The following DNER variants were observed in gnomAD, a reference collection of about 807,000 sequenced individuals.
The protein encoded by DNER is delta/notch like EGF repeat containing, also known as delta and Notch-like epidermal growth factor-related receptor.
A neutral mutation model predicts 78.2 loss-of-function variants in DNER; 33 were observed. That is an observed-to-expected ratio of 0.42 (90% CI 0.32 to 0.56). The LOEUF (loss-of-function observed/expected upper bound fraction) is 0.56. DNER is among the 20% of genes least tolerant of loss of function. The pLI is 0.11. For synonymous variants in DNER, 417 were observed against 384.8 expected, an observed-to-expected ratio of 1.08 and a Z score of -0.98; for missense variants, 918 against 975.3, an observed-to-expected ratio of 0.94 and a Z score of 0.78.
intron 11 of DNER, among the ~76,000 whole-genome samples, chr2:229,372,979 A>G (rs1692520611): frequency 6.6e-6 from 1 of 152,136 alleles, no homozygotes; most frequent in African/African-American, 2.4e-5. Context: ...TTTGAGAGGA[A>G]GATTCTGAGT....
chr2:229,402,103 C>T (rs1693280496), intron 10 of DNER, among the ~76,000 whole-genome samples: 1 of 151,736 alleles, frequency 6.6e-6, no homozygotes, highest in Non-Finnish European at 1.5e-5. Context: ...TTGAAGTAGA[C>T]AAAGATTTCT....
At chr2:229,655,336 A>G (rs1698894820) in intron 1 of DNER, among the ~76,000 whole-genome samples, 1 of 152,194 alleles carries the variant, frequency 6.6e-6, no homozygotes, top group South Asian at 2.1e-4. Flanking sequence ...AAAAAAGAAA[A>G]CAAAATGTAA....
intron 1 of DNER, among the ~76,000 whole-genome samples, chr2:229,615,277 G>A (rs1698131148): frequency 6.6e-6 from 1 of 152,016 alleles, no homozygotes; most frequent in South Asian, 2.1e-4. Flanking sequence ...CAGGCGTGGT[G>A]GCACATGCCT....
chr2:229,569,242 G>T (rs1697172062), intron 4 of DNER, among the ~76,000 whole-genome samples: 1 of 152,202 alleles, frequency 6.6e-6, no homozygotes, highest in African/African-American at 2.4e-5. Flanking sequence ...CCTTACATAG[G>T]CTGAGCGCAG....
At chr2:229,524,159 C>A (rs1460482192) in intron 5 of DNER, among the ~76,000 whole-genome samples, 2 of 152,202 alleles carry the variant, frequency 1.3e-5, no homozygotes, top group African/African-American at 4.8e-5. Flanking sequence ...GATGGCAGGA[C>A]CTGCTCTTTA....
chr2:229,630,341 T>G (rs1698411471), intron 1 of DNER, among the ~76,000 whole-genome samples: 2 of 151,992 alleles, frequency 1.3e-5, no homozygotes, highest in South Asian at 4.2e-4. Context: ...CCGGGTATGC[T>G]GGCACATTTC....
chr2:229,487,043 A>T (rs1476004892), intron 6 of DNER, among the ~76,000 whole-genome samples: 1 of 152,232 alleles, frequency 6.6e-6, no homozygotes, highest in Admixed American at 6.5e-5. Context: ...TTTCCGAATT[A>T]CACATATAAC....
At chr2:229,415,514 A>G (rs1693629613) in intron 9 of DNER, among the ~76,000 whole-genome samples, 1 of 152,206 alleles carries the variant, frequency 6.6e-6, no homozygotes, top group Non-Finnish European at 1.5e-5. Flanking sequence ...AGGCGGATCT[A>G]CTTTTTTCAA....
chr2:229,651,391 T>G (rs977694486), intron 1 of DNER, among the ~76,000 whole-genome samples: 3 of 152,256 alleles, frequency 2.0e-5, no homozygotes, highest in African/African-American at 7.2e-5. Context: ...GATGTTTTCC[T>G]ATGGTTCTCA....
intron 10 of DNER, among the ~76,000 whole-genome samples, chr2:229,393,830 G>A (rs991188665): frequency 7.9e-5 from 12 of 152,076 alleles, no homozygotes; most frequent in African/African-American, 2.4e-4. Context: ...CTGGGCAACA[G>A]AGCGAGACTC....
At chr2:229,388,509 C>G in intron 10 of DNER, 113 bp from the exon 11 acceptor site, 1 of 1,253,316 alleles carries the variant, frequency 8.0e-7, no homozygotes, top group East Asian at 2.9e-5. Context: ...AGCAATAGAG[C>G]CCAACCTGCT....
chr2:229,598,415 T>TCACA (rs1459690363), intron 1 of DNER, among the ~76,000 whole-genome samples: 3 of 152,194 alleles, frequency 2.0e-5, no homozygotes, highest in African/African-American at 7.2e-5. Context: ...CTTGAAAAGC[T>TCACA]CACAGTCCAA....
At chr2:229,410,917 C>T (rs1693503552) in intron 9 of DNER, among the ~76,000 whole-genome samples, 1 of 152,202 alleles carries the variant, frequency 6.6e-6, no homozygotes, top group Admixed American at 6.5e-5. Flanking sequence ...TCATTTCATC[C>T]AAACTTACTT....
At chr2:229,389,402 G>A (rs1692968555) in intron 10 of DNER, among the ~76,000 whole-genome samples, 1 of 151,960 alleles carries the variant, frequency 6.6e-6, no homozygotes, top group Non-Finnish European at 1.5e-5. Context: ...AAGCTGAAGA[G>A]AAGAGGATAT....
At chr2:229,569,490 C>G (rs1330618385) in intron 4 of DNER, among the ~76,000 whole-genome samples, 1 of 151,964 alleles carries the variant, frequency 6.6e-6, no homozygotes, top group Non-Finnish European at 1.5e-5. Flanking sequence ...CCACTGCAAT[C>G]CAGCCTAGAT....
At chr2:229,495,094 T>C (rs1197843210) in intron 6 of DNER, among the ~76,000 whole-genome samples, 1 of 152,236 alleles carries the variant, frequency 6.6e-6, no homozygotes, top group East Asian at 1.9e-4. Context: ...TCTGATCCGT[T>C]TTAGCTTAAC....
intron 4 of DNER, among the ~76,000 whole-genome samples, chr2:229,563,731 A>ATCACCCCATCACCATCATCATCATCCTCC (rs1697025208): frequency 7.4e-6 from 1 of 134,838 alleles, no homozygotes; most frequent in African/African-American, 2.8e-5. Context: ...CATCATCATC[A>ATCACCCCATCACCATCATCATCATCCTCC]TCACCCCATC....
At chr2:229,564,692 C>T (rs1290364167) in intron 4 of DNER, among the ~76,000 whole-genome samples, 1 of 151,498 alleles carries the variant, frequency 6.6e-6, no homozygotes, top group African/African-American at 2.4e-5. Flanking sequence ...CATCCTCACC[C>T]CATCACCATC....
chr2:229,413,507 G>C (rs1012898640), intron 9 of DNER, among the ~76,000 whole-genome samples: 14 of 151,158 alleles, frequency 9.3e-5, no homozygotes, highest in Admixed American at 2.6e-4. Flanking sequence ...ATTTTTAGTA[G>C]AGATGGGGTT....
Sources: gnomAD v4.1 joint callset for allele counts (sites outside exome capture counted in the v4.1 genomes callset) on GRCh38, gnomAD v4.1.1 for gene constraint, MANE v1.5 for transcripts, NCBI Gene and HGNC (gene_info 2026-07-23, HGNC 2026-07-21) for gene names.